The following RBFOX1 variants were observed in gnomAD, a reference collection of about 807,000 sequenced individuals.
The protein encoded by RBFOX1 is RNA binding fox-1 homolog 1, also known as RNA binding protein fox-1 homolog 1.
In RBFOX1, 8 loss-of-function variants were observed where a neutral mutation model predicts 57.7. The ratio of observed to expected loss-of-function variants is 0.14; its 90% CI spans 0.08 to 0.25. The LOEUF is 0.25. Ranked by LOEUF, RBFOX1 falls within the 10% of genes least tolerant of loss-of-function variation. The pLI is 1.00. For synonymous variants in RBFOX1, 326 were observed against 222.4 expected (o/e 1.47, Z -4.15); for missense variants, 611 against 548.5 (o/e 1.11, Z -1.14).
intron 1 of RBFOX1, among the ~76,000 whole-genome samples, chr16:6,290,293 G>C (rs985696560): frequency 6.6e-6 from 1 of 150,712 alleles, no homozygotes; most frequent in Non-Finnish European, 1.5e-5. Flanking sequence ...GGTAAGAAAA[G>C]AGGAAACAAG....
chr16:5,598,636 C>T (rs2047265719), intron 2 of RBFOX1, among the ~76,000 whole-genome samples: 1 of 151,944 alleles, frequency 6.6e-6, no homozygotes, highest in East Asian at 1.9e-4. Context: ...TTCATCATGT[C>T]CTGAAAACCC....
chr16:6,894,167 G>A (rs993000414), intron 3 of RBFOX1, among the ~76,000 whole-genome samples: 4 of 152,050 alleles, frequency 2.6e-5, no homozygotes, highest in African/African-American at 9.7e-5. Flanking sequence ...CCTATCTCTT[G>A]TCTGTCTGTC....
chr16:7,696,085 A>G (rs1036673729), intron 14 of RBFOX1, among the ~76,000 whole-genome samples: 1 of 152,232 alleles, frequency 6.6e-6, no homozygotes, highest in African/African-American at 2.4e-5. Flanking sequence ...GAGTGCCAAC[A>G]CATCTGGTCT....
intron 14 of RBFOX1, among the ~76,000 whole-genome samples, chr16:7,683,785 T>A (rs549800706): frequency 9.3e-4 from 142 of 152,138 alleles, no homozygotes; most frequent in African/African-American, 3.4e-3. Flanking sequence ...GCTTTCTAGG[T>A]GTAGCTCTGT....
Position 5,747,667 on chromosome 16 carries a change from A to G in RBFOX1, c.319-119636A>G, listed in dbSNP as rs905476920. ...TCTAGATTTTCTAGTTTTTTTGCGTAGAGGTGTTTATACTATTCTTTGATG... is the reference window on the plus strand; with the variant it reads ...TCTAGATTTTCTAGTTTTTTTGCGTGGAGGTGTTTATACTATTCTTTGATG... On this transcript the variant is annotated intron_variant, in intron 3 of 19. Coordinates refer to the RBFOX1 transcript ENST00000641259. Among the ~76,000 whole-genome samples, 6 of 152,074 alleles carry G rather than the reference A, an allele frequency of 3.9e-5. No individual in the cohort carries two copies. In the East Asian group the frequency reaches 9.6e-4, roughly 24 times the overall value.
chr16:6,014,236 T>C (rs533633311), upstream of RBFOX1, among the ~76,000 whole-genome samples: 81 of 148,218 alleles, frequency 5.5e-4, no homozygotes, highest in East Asian at 0.016. Flanking sequence ...TAGCTGTTTT[T>C]GTTATCATCA....
chr16:6,136,317 A>G (rs761419512), intron 1 of RBFOX1, among the ~76,000 whole-genome samples: 2 of 152,078 alleles, frequency 1.3e-5, no homozygotes, highest in African/African-American at 2.4e-5. Flanking sequence ...TGCCTTTGAT[A>G]CAACCTTCCC....
intron 1 of RBFOX1, among the ~76,000 whole-genome samples, chr16:5,305,990 G>A (rs2063923224): frequency 6.6e-6 from 1 of 152,318 alleles, no homozygotes; most frequent in African/African-American, 2.4e-5. Flanking sequence ...CCAGTAGTTT[G>A]AGACCAACAT....
At chr16:7,631,405 C>G (rs8057143) in intron 11 of RBFOX1, among the ~76,000 whole-genome samples, 84,667 of 152,030 alleles carry the variant, frequency 0.56, 25,107 homozygotes, top group African/African-American at 0.76. Flanking sequence ...GCTCTGGGTT[C>G]AAGGATGCCC....
chr16:7,238,776 G>A (rs539725784), intron 4 of RBFOX1, among the ~76,000 whole-genome samples: 5 of 152,068 alleles, frequency 3.3e-5, no homozygotes, highest in Non-Finnish European at 7.4e-5. Flanking sequence ...TGTTTCTCCC[G>A]ATCCTGTCCC....
chr16:6,191,312 C>A (rs2097140352), intron 1 of RBFOX1, among the ~76,000 whole-genome samples: 1 of 152,010 alleles, frequency 6.6e-6, no homozygotes. Flanking sequence ...TGATAACCCA[C>A]CCTTGTAAGC....
intron 1 of RBFOX1, among the ~76,000 whole-genome samples, chr16:6,215,538 C>T (rs989026041): frequency 4.6e-5 from 7 of 152,028 alleles, no homozygotes; most frequent in East Asian, 1.9e-4. Flanking sequence ...TTCCCATGAA[C>T]GCTCCCCCAA....
At chr16:6,892,139 G>A (rs1400093304) in intron 3 of RBFOX1, among the ~76,000 whole-genome samples, 1 of 152,106 alleles carries the variant, frequency 6.6e-6, no homozygotes, top group South Asian at 2.1e-4. Flanking sequence ...CCCCCTGGTT[G>A]GTGATTGCAG....
intron 3 of RBFOX1, among the ~76,000 whole-genome samples, chr16:5,865,323 C>T (rs1352248810): frequency 2.0e-5 from 3 of 152,166 alleles, no homozygotes; most frequent in African/African-American, 7.2e-5. Flanking sequence ...GAATCAGCTG[C>T]TTTCCCAGTC....
intron 1 of RBFOX1, among the ~76,000 whole-genome samples, chr16:6,229,943 GA>G (rs1296119464): frequency 6.6e-6 from 1 of 151,850 alleles, no homozygotes; most frequent in Non-Finnish European, 1.5e-5. Context: ...TATTTTAAAG[GA>G]AAAGAAAAGG....
At chr16:6,057,232 G>C (rs753321613) in intron 1 of RBFOX1, 1 of 152,032 alleles carries the variant, frequency 6.6e-6, no homozygotes, top group Non-Finnish European at 1.5e-5. Context: ...TATATTGTCT[G>C]CCTCCTCTAA....
intron 1 of RBFOX1, among the ~76,000 whole-genome samples, chr16:6,203,845 C>T (rs1024167238): frequency 3.9e-5 from 6 of 152,162 alleles, no homozygotes; most frequent in Admixed American, 3.3e-4. Context: ...AGTCTCACTT[C>T]TGGGTCTGCT....
At chr16:6,385,822 C>T (rs1238822638) in intron 2 of RBFOX1, among the ~76,000 whole-genome samples, 1 of 152,164 alleles carries the variant, frequency 6.6e-6, no homozygotes, top group African/African-American at 2.4e-5. Flanking sequence ...GATTCTAGTA[C>T]CAGGGAGCTG....
intron 3 of RBFOX1, among the ~76,000 whole-genome samples, chr16:6,763,555 G>C (rs1239804411): frequency 2.6e-5 from 4 of 152,162 alleles, no homozygotes; most frequent in Non-Finnish European, 4.4e-5. Flanking sequence ...AGTTTTGCTT[G>C]GGGTTATTTC....
Sources: allele counts gnomAD v4.1 joint callset (sites outside exome capture counted in the v4.1 genomes callset), GRCh38; gene constraint gnomAD v4.1.1; transcripts MANE v1.5; gene names NCBI Gene and HGNC (gene_info 2026-07-23, HGNC 2026-07-21).